Variants in NLGN1 observed in about 807,000 individuals in gnomAD.
The protein encoded by NLGN1 is neuroligin-1.
A neutral mutation model predicts 65.5 loss-of-function variants in NLGN1; 12 were observed. The observed-to-expected ratio is 0.18, with a 90% CI of 0.12 to 0.30. The LOEUF (loss-of-function observed/expected upper bound fraction) is 0.30, where lower values mean the gene tolerates loss of function less well. Among genes scored for constraint, NLGN1 ranks in the 10% least tolerant of loss-of-function variants. NLGN1 has a pLI of 1.00. For missense variants in NLGN1, 750 were observed against 1,007.1 expected (o/e 0.74, Z 3.46); for synonymous variants, 350 against 359.5 (o/e 0.97, Z 0.30).
chr3:173,971,199 G>A (rs969740914), intron 4 of NLGN1, among the ~76,000 whole-genome samples: 8 of 152,004 alleles, frequency 5.3e-5, no homozygotes, highest in African/African-American at 1.9e-4. Flanking sequence ...AAGAGAAAAT[G>A]GTGTTACAAA....
intron 3 of NLGN1, among the ~76,000 whole-genome samples, chr3:173,741,930 T>C (rs981258153): frequency 1.3e-5 from 2 of 152,142 alleles, no homozygotes; most frequent in Non-Finnish European, 2.9e-5. Context: ...GTCCCCGTAA[T>C]GTACGCTCCT....
At chr3:173,800,270 C>A in intron 3 of NLGN1, 3 of 954,780 alleles carry the variant, frequency 3.1e-6, no homozygotes, top group Non-Finnish European at 4.1e-6. Context: ...TTTTTTCCTC[C>A]ATTTCTCCGT....
At chr3:173,997,960 T>G (rs1292536040) in intron 4 of NLGN1, among the ~76,000 whole-genome samples, 1 of 152,252 alleles carries the variant, frequency 6.6e-6, no homozygotes. Context: ...TTGAGCAAGA[T>G]CTTGCCCATT....
intron 4 of NLGN1, among the ~76,000 whole-genome samples, chr3:174,257,045 A>C (rs941130006): frequency 3.9e-5 from 6 of 152,198 alleles, no homozygotes; most frequent in African/African-American, 1.4e-4. Context: ...ATCTCTAAGG[A>C]ACTTAAACCA....
Position 173,407,857 on chromosome 3 carries a change from A to AAATAAC in NLGN1, c.-390+9374_-390+9379dup, listed in dbSNP as rs1232678442. 2.6e-5 allele frequency among the ~76,000 whole-genome samples: 4 copies of AAATAAC among 152,268 alleles called. No individual in the cohort carries two copies. In the East Asian group the frequency reaches 7.7e-4, roughly 29 times the overall value. On this transcript the variant is annotated intron_variant, in intron 1 of 6. Coordinates refer to ENST00000457714, the Ensembl canonical transcript of NLGN1. ...TTGGTTTAGGGCCTCTGCAGATTAG[A>AAATAAC]AATAACAATTATACATTTATTTTGA...
chr3:173,691,953 C>G (rs1765525222), intron 3 of NLGN1, among the ~76,000 whole-genome samples: 1 of 151,996 alleles, frequency 6.6e-6, no homozygotes, highest in South Asian at 2.1e-4. Flanking sequence ...ATTGACTGCA[C>G]AATGCATCTC....
chr3:173,717,247 T>C (rs1770014662), intron 3 of NLGN1, among the ~76,000 whole-genome samples: 1 of 152,228 alleles, frequency 6.6e-6, no homozygotes, highest in Non-Finnish European at 1.5e-5. Flanking sequence ...AATGGTTGTG[T>C]TTTATTTATT....
At chr3:173,880,567 T>C (rs1326111774) in intron 4 of NLGN1, among the ~76,000 whole-genome samples, 1 of 151,016 alleles carries the variant, frequency 6.6e-6, no homozygotes, top group Non-Finnish European at 1.5e-5. Flanking sequence ...AATATAAGTA[T>C]GTTTAAAAAT....
chr3:173,955,848 T>G (rs1711882662), intron 4 of NLGN1, among the ~76,000 whole-genome samples: 1 of 152,124 alleles, frequency 6.6e-6, no homozygotes, highest in Non-Finnish European at 1.5e-5. Context: ...ATTTATTGTT[T>G]AGTCAAATGG....
intron 4 of NLGN1, among the ~76,000 whole-genome samples, chr3:174,062,987 G>A (rs1366663828): frequency 1.3e-5 from 2 of 152,112 alleles, no homozygotes; most frequent in Non-Finnish European, 1.5e-5. Flanking sequence ...CCATCAAACA[G>A]TTCCTTAGAA....
intron 2 of NLGN1, among the ~76,000 whole-genome samples, chr3:173,540,570 C>T (rs1738685335): frequency 6.6e-6 from 1 of 152,148 alleles, no homozygotes; most frequent in Non-Finnish European, 1.5e-5. Flanking sequence ...TTTTCAGTAA[C>T]AAGTCTTTGG....
At chr3:173,703,302 A>G (rs554650306) in intron 3 of NLGN1, among the ~76,000 whole-genome samples, 11 of 152,170 alleles carry the variant, frequency 7.2e-5, no homozygotes, top group Non-Finnish European at 1.6e-4. Flanking sequence ...AAGAAATTCT[A>G]CATCAGTGTT....
At chr3:173,737,379 A>G (rs780588466) in intron 3 of NLGN1, among the ~76,000 whole-genome samples, 5 of 151,958 alleles carry the variant, frequency 3.3e-5, no homozygotes, top group Non-Finnish European at 5.9e-5. Flanking sequence ...CACAATTTTC[A>G]TTACTCCTAA....
chr3:173,488,534 T>C (rs2148997090), intron 2 of NLGN1, among the ~76,000 whole-genome samples: 1 of 152,246 alleles, frequency 6.6e-6, no homozygotes. Flanking sequence ...AGTTTTAAAT[T>C]ATGGTTTAGT....
At chr3:173,439,294 A>G (rs555298400) in intron 2 of NLGN1, among the ~76,000 whole-genome samples, 1 of 152,210 alleles carries the variant, frequency 6.6e-6, no homozygotes, top group Non-Finnish European at 1.5e-5. Flanking sequence ...TTTTAGTATT[A>G]TATTAACAAA....
intron 4 of NLGN1, among the ~76,000 whole-genome samples, chr3:174,087,708 T>G (rs1256389232): frequency 6.6e-6 from 1 of 152,186 alleles, no homozygotes; most frequent in Non-Finnish European, 1.5e-5. Context: ...AAAATGAATT[T>G]TAGTATGTTT....
At position 173,865,861 on chromosome 3, in the gene NLGN1, G is replaced by A. The variant is rs58686397; in HGVS notation, c.646+58029G>A. ...GGGAGGAAATATGATGAAGAACTGA[G>A]ATGCTGGAATCTTATAAACATAAGC... is the stretch of plus-strand genomic sequence containing the variant. On this transcript the variant is annotated intron_variant, in intron 4 of 6. Coordinates refer to ENST00000457714, the Ensembl canonical transcript of NLGN1. Among the ~76,000 whole-genome samples the A allele has an allele frequency of 4.4e-3, 677 of 152,322 alleles. 30 individuals carry two copies. The East Asian group carries it at 0.1, about 23-fold the overall frequency.
chr3:173,490,571 A>C (rs958367096), intron 2 of NLGN1, among the ~76,000 whole-genome samples: 1 of 152,190 alleles, frequency 6.6e-6, no homozygotes, highest in Non-Finnish European at 1.5e-5. Flanking sequence ...TGACTTGGCA[A>C]TGTGGGCTCT....
chr3:173,596,062 G>A (rs78249434), intron 2 of NLGN1, among the ~76,000 whole-genome samples: 11 of 152,260 alleles, frequency 7.2e-5, no homozygotes, highest in Non-Finnish European at 1.0e-4. Flanking sequence ...CAGGTATAAC[G>A]TCTACCATGT....
Sources: allele counts gnomAD v4.1 joint callset (sites outside exome capture counted in the v4.1 genomes callset), GRCh38; gene constraint gnomAD v4.1.1; transcripts MANE v1.5; gene names NCBI Gene and HGNC (gene_info 2026-07-23, HGNC 2026-07-21).